The following UPK3A variants were observed in gnomAD, a reference collection of about 807,000 sequenced individuals.
UPK3A encodes uroplakin 3A.
A neutral mutation model predicts 27.6 loss-of-function variants in UPK3A; 32 were observed. The observed-to-expected ratio is 1.16, with a 90% confidence interval of 0.87 to 1.55. The LOEUF is 1.55. UPK3A is among the 40% of genes most tolerant of loss of function. UPK3A has a pLI of 0.00. For synonymous variants in UPK3A, 171 were observed against 163.9 expected (o/e 1.04, Z -0.33); for missense variants, 370 against 367.9 (o/e 1.01, Z -0.05).
intron 5 of UPK3A, among the ~76,000 whole-genome samples, chr22:45,294,581 A>G (rs16993800): frequency 0.031 from 4,694 of 152,260 alleles, 125 homozygotes; most frequent in Admixed American, 0.062. Context: ...GAACAAAAAC[A>G]AAATAGATGA....
At position 45,295,711 on chromosome 22, in the gene UPK3A, C is replaced by T. The variant is rs759252449; in HGVS notation, c.856C>T (p.Gln286Ter). ...DRAEVYSSKL[Q>*]D ...GGCTGAGGTGTATTCCAGCAAGCTC[C>T]AAGACTGAGCCCAGCACCACCCCTG... Residue 286 changes from glutamine to a stop codon, truncating the protein, a stop_gained, in exon 6 of 6, where the codon CAA (glutamine) becomes TAA (stop). Transcript: ENST00000216211. LOFTEE classifies it high-confidence loss of function. 8 of 1,613,808 alleles carry T rather than the reference C, an allele frequency of 5.0e-6. No individual in the cohort carries two copies. In the African/African-American group the frequency reaches 8.0e-5, roughly 16 times the overall value.
chr22:45,289,015 G>C, intron 3 of UPK3A, 46 bp from the exon 4 acceptor site: 1 of 1,590,228 alleles, frequency 6.3e-7, no homozygotes, highest in Non-Finnish European at 8.6e-7. Flanking sequence ...CTGTGGGTGG[G>C]GCTCACAGGA....
Position 45,288,963 on chromosome 22 carries a change from G to C in UPK3A, c.489-98G>C, listed in dbSNP as rs890308743. The C allele has an allele frequency of 4.2e-6, 5 of 1,194,338 alleles. No homozygotes were observed. The Admixed American group carries it at 6.9e-5, about 16-fold the overall frequency. 74.0% of individuals were successfully genotyped at this position (1,194,338 alleles called of 1,614,324 possible). A position where few individuals can be genotyped will look rare whatever the true frequency, so the allele number is the denominator to read the frequency against. On this transcript the variant is annotated intron_variant, in intron 3 of 5. Transcript: ENST00000216211. ...GTCTCCTGGAAGGGCCCCCGCTGCC[G>C]TCTCCCACCCCTAGGCCATCCTACA...
intron 4 of UPK3A, 68 bp from the exon 5 acceptor site, chr22:45,293,113 C>A: frequency 6.2e-7 from 1 of 1,600,364 alleles, no homozygotes; most frequent in Admixed American, 1.7e-5. Flanking sequence ...GAGACACCCG[C>A]CGCCTCCTGG....
chr22:45,293,439 G>A, intron 5 of UPK3A, 126 bp downstream of exon 5: 1 of 1,270,276 alleles, frequency 7.9e-7, no homozygotes, highest in Non-Finnish European at 1.1e-6. Context: ...GCTACCCTCT[G>A]CCCCGCGGGT....
intron 5 of UPK3A, among the ~76,000 whole-genome samples, chr22:45,294,076 G>C (rs1203095727): frequency 6.6e-6 from 1 of 152,136 alleles, no homozygotes; most frequent in Non-Finnish European, 1.5e-5. Flanking sequence ...GGGCCGGGGG[G>C]GTGCTGCCTG....
At chr22:45,290,140 G>T (rs570183848) in intron 4 of UPK3A, among the ~76,000 whole-genome samples, 1 of 152,204 alleles carries the variant, frequency 6.6e-6, no homozygotes. Flanking sequence ...AGGGTGCTGC[G>T]CTGTTCCTTG....
At chr22:45,285,575 G>A (rs1256171361) in intron 1 of UPK3A, among the ~76,000 whole-genome samples, 1 of 152,098 alleles carries the variant, frequency 6.6e-6, no homozygotes, top group Non-Finnish European at 1.5e-5. Context: ...GGGCGCTGGG[G>A]GACCATGGGA....
chr22:45,288,869 G>T (rs1467740136), intron 3 of UPK3A, among the ~76,000 whole-genome samples, 192 bp from the exon 4 acceptor site: 1 of 151,646 alleles, frequency 6.6e-6, no homozygotes, highest in African/African-American at 2.4e-5. Flanking sequence ...GGTCCTGGGG[G>T]GGGTCCTATT....
chr22:45,290,944 C>T (rs1466541015), intron 4 of UPK3A, among the ~76,000 whole-genome samples: 1 of 152,166 alleles, frequency 6.6e-6, no homozygotes, highest in Non-Finnish European at 1.5e-5. Context: ...ATGGGACCGT[C>T]TACTTGCAGG....
chr22:45,294,105 C>T (rs560855701), intron 5 of UPK3A, among the ~76,000 whole-genome samples: 1 of 152,186 alleles, frequency 6.6e-6, no homozygotes, highest in South Asian at 2.1e-4. Context: ...GGGTGGCCTT[C>T]CTGGAGGAAG....
intron 2 of UPK3A, 151 bp downstream of exon 2, chr22:45,286,247 G>A: frequency 9.6e-7 from 1 of 1,044,676 alleles, no homozygotes; most frequent in Middle Eastern, 2.4e-4. Context: ...GCCTTGCAGG[G>A]ACATCCAGTT....
intron 4 of UPK3A, among the ~76,000 whole-genome samples, chr22:45,291,119 C>G (rs1031153572): frequency 1.6e-4 from 25 of 152,186 alleles, no homozygotes; most frequent in African/African-American, 5.8e-4. Context: ...CTGCAGAAAA[C>G]CTGTCTTCCA....
chr22:45,294,627 G>A (rs567766633), intron 5 of UPK3A, among the ~76,000 whole-genome samples: 8 of 152,106 alleles, frequency 5.3e-5, no homozygotes, highest in Non-Finnish European at 1.0e-4. Context: ...GGCTGCACCC[G>A]GGAGCAGTCA....
chr22:45,293,144 G>C (rs77832189), intron 4 of UPK3A, 37 bp from the exon 5 acceptor site: 1 of 1,611,210 alleles, frequency 6.2e-7, no homozygotes, highest in Non-Finnish European at 8.5e-7. Context: ...AGGGTGGTGC[G>C]GTGTCTGGGA....
At chr22:45,291,292 G>T (rs2084158866) in intron 4 of UPK3A, among the ~76,000 whole-genome samples, 3 of 150,794 alleles carry the variant, frequency 2.0e-5, no homozygotes, top group African/African-American at 7.3e-5. Context: ...GTGGTGTGTG[G>T]TGGGGGTGTG....
intron 2 of UPK3A, 108 bp from the exon 3 acceptor site, chr22:45,287,064 C>A: frequency 6.4e-7 from 1 of 1,551,610 alleles, no homozygotes; most frequent in Non-Finnish European, 8.8e-7. Context: ...TGCCAGTGCC[C>A]AGCACAGAGC....
At chr22:45,285,832 G>A (rs372623856) in intron 1 of UPK3A, 109 bp from the exon 2 acceptor site, 21 of 1,490,944 alleles carry the variant, frequency 1.4e-5, no homozygotes, top group Non-Finnish European at 1.8e-5. Flanking sequence ...GGCCCAGGGG[G>A]AGGGTGAAGC....
At chr22:45,291,466 TGA>T (rs1278502734) in intron 4 of UPK3A, among the ~76,000 whole-genome samples, 2 of 141,654 alleles carry the variant, frequency 1.4e-5, no homozygotes, top group African/African-American at 5.4e-5. Flanking sequence ...GGTGTGTGTG[TGA>T]GTTTGAGTTG....
Sources: gnomAD v4.1 joint callset for allele counts (sites outside exome capture counted in the v4.1 genomes callset) on GRCh38, gnomAD v4.1.1 for gene constraint, MANE v1.5 for transcripts, NCBI Gene and HGNC (gene_info 2026-07-23, HGNC 2026-07-21) for gene names.